Variants in PHYKPL observed in about 807,000 individuals in gnomAD.
PHYKPL encodes the protein 5-phosphohydroxy-L-lysine phospho-lyase, also known as 5-phosphonooxy-L-lysine phospho-lyase.
PHYKPL carries 42 observed loss-of-function variants against 51.3 expected under a neutral mutation model. That is an observed-to-expected ratio of 0.82 (90% confidence interval 0.64 to 1.06). PHYKPL has a LOEUF of 1.06. Among genes scored for constraint, PHYKPL ranks in the 50% least tolerant of loss-of-function variants. The pLI, the probability that PHYKPL is intolerant of heterozygous loss-of-function variation, is 0.00. For missense variants in PHYKPL, 655 were observed against 586.6 expected (o/e 1.12, Z -1.20); for synonymous variants, 264 against 236.0 (o/e 1.12, Z -1.09).
chr5:178,230,199 G>A (rs1169544003), intron 2 of PHYKPL, 100 bp from the exon 3 acceptor site: 3 of 1,453,836 alleles, frequency 2.1e-6, no homozygotes, highest in Non-Finnish European at 1.9e-6. Flanking sequence ...AAGAGATGTA[G>A]TTCTAGAGGG....
intron 10 of PHYKPL, 111 bp downstream of exon 10, chr5:178,214,685 T>A: frequency 1.0e-6 from 1 of 961,226 alleles, no homozygotes; most frequent in Non-Finnish European, 1.6e-6. Context: ...CAATCAAGTC[T>A]GTGGCCCAGA....
chr5:178,218,233 A>AAG (rs1760349708), intron 8 of PHYKPL, among the ~76,000 whole-genome samples: 1 of 150,352 alleles, frequency 6.7e-6, no homozygotes, highest in African/African-American at 2.4e-5. Flanking sequence ...AAAAAAAAAA[A>AAG]AAAAAGAAAG....
downstream of PHYKPL, among the ~76,000 whole-genome samples, chr5:178,207,691 C>CT (rs34424574): frequency 5.2e-4 from 41 of 78,764 alleles, 1 homozygote; most frequent in African/African-American, 1.4e-3. Context: ...ACTTTGAGCA[C>CT]TTTTTTTTTT....
At chr5:178,231,551 C>A in intron 1 of PHYKPL, 28 bp from the exon 2 acceptor site, 2 of 1,613,960 alleles carry the variant, frequency 1.2e-6, no homozygotes, top group Non-Finnish European at 1.7e-6. Context: ...GAGTGGACAG[C>A]CATGTCTGAA....
intron 1 of PHYKPL, 97 bp downstream of exon 1, chr5:178,232,395 G>T: frequency 1.5e-6 from 2 of 1,326,294 alleles, no homozygotes; most frequent in Non-Finnish European, 1.9e-6. Flanking sequence ...CTTCCTAGCC[G>T]GAGGCGCGTG....
intron 11 of PHYKPL, among the ~76,000 whole-genome samples, chr5:178,212,703 T>C (rs749314731): frequency 3.3e-5 from 5 of 152,252 alleles, no homozygotes; most frequent in Non-Finnish European, 7.3e-5. Context: ...CCAGTACTGC[T>C]TTGTCCTGCA....
intron 12 of PHYKPL, chr5:178,210,247 C>T (rs567811153): frequency 1.5e-5 from 24 of 1,613,640 alleles, no homozygotes; most frequent in Admixed American, 1.0e-4. Context: ...ATGGCTATTA[C>T]GGCTACGGCC....
At chr5:178,210,810 C>T (rs934409655) in intron 12 of PHYKPL, 21 of 608,906 alleles carry the variant, frequency 3.4e-5, no homozygotes, top group African/African-American at 7.4e-5. Context: ...GTTTAGGCAG[C>T]GTGTGGTGTC....
chr5:178,232,009 A>G, intron 1 of PHYKPL: 6 of 1,201,670 alleles, frequency 5.0e-6, no homozygotes, highest in Non-Finnish European at 6.3e-6. Flanking sequence ...CCACCGTCCC[A>G]CCGAGGGCCC....
At chr5:178,232,294 C>T (rs576257357) in intron 1 of PHYKPL, 198 bp downstream of exon 1, 525 of 1,249,852 alleles carry the variant, frequency 4.2e-4, no homozygotes, top group African/African-American at 3.9e-3. Context: ...CGGAGACCAC[C>T]CGCCGGGACT....
At chr5:178,229,292 G>A (rs1242091826) in intron 3 of PHYKPL, among the ~76,000 whole-genome samples, 2 of 152,090 alleles carry the variant, frequency 1.3e-5, no homozygotes, top group Non-Finnish European at 2.9e-5. Context: ...ATTTTTAGTA[G>A]AGACGGGGTT....
chr5:178,222,442 A>G lies in PHYKPL; in HGVS notation c.840T>C (p.Ile280=), dbSNP rs960880710. The G allele has an allele frequency of 6.2e-7, 1 of 1,614,260 alleles. No individual in the cohort carries two copies. The highest frequency in any genetic ancestry group is 8.5e-7 in the Non-Finnish European group (1 of 1,180,046). ...VPDIVTMGKS[I]GNGHPVACVA... ...CGCAGGCAACAGGGTGGCCGTTGCCAATGGACTTGCCCATGGTGACGATGT... is the reference window on the plus strand; with the variant it reads ...CGCAGGCAACAGGGTGGCCGTTGCCGATGGACTTGCCCATGGTGACGATGT... The change falls in exon 8 of 13, where the codon ATT becomes ATC. Residue 280 remains isoleucine (I), a synonymous_variant. Transcript: ENST00000308158.
intron 6 of PHYKPL, chr5:178,223,821 G>C: frequency 4.0e-6 from 1 of 247,128 alleles, no homozygotes; most frequent in South Asian, 4.1e-5. Flanking sequence ...CTATGTCTGC[G>C]CCTCCACTCC....
rs1763771632 is a variant in PHYKPL at position 178,232,652 on chromosome 5, G to A, written c.-102C>T. The A allele has an allele frequency of 1.4e-5, 17 of 1,198,988 alleles. No homozygotes were observed. The highest frequency in any genetic ancestry group is 1.7e-5 in the Non-Finnish European group (16 of 959,420). 74.3% of individuals were successfully genotyped at this position (1,198,988 alleles called of 1,614,324 possible). On this transcript the variant is annotated 5_prime_UTR_variant, in exon 1 of 13. Transcript: ENST00000308158. ...CCGGGCCCCGCCCCTGCCTGGGTCG[G>A]GATTTGGGGCTCAGGTTCGCACTCG...
In PHYKPL at chr5:178,225,438, G is replaced by A. The variant is rs1284392550; in HGVS notation, c.339-9C>T. 7.4e-6 allele frequency: 12 copies of A among 1,613,982 alleles called. No homozygotes were observed. Among genetic ancestry groups the A allele is most frequent in the South Asian group, 3.3e-5 (3 of 91,070 alleles). ...GGTCATTGGCTTCTGACCTATGACC[G>A]AAAAGGTGGGCATGACTGAGAGAGT... On this transcript the variant is annotated splice_polypyrimidine_tract_variant and intron_variant, in intron 3 of 12. Coordinates refer to ENST00000308158, the MANE Select transcript of PHYKPL (RefSeq NM_153373.4).
intron 3 of PHYKPL, among the ~76,000 whole-genome samples, chr5:178,226,281 TGGCTA>T (rs1342444811): frequency 6.6e-6 from 1 of 151,954 alleles, no homozygotes; most frequent in Non-Finnish European, 1.5e-5. Flanking sequence ...TTCACCATGT[TGGCTA>T]GGCTGGTCTC....
At chr5:178,211,497 C>T (rs1026641619) in intron 12 of PHYKPL, 18 of 192,798 alleles carry the variant, frequency 9.3e-5, no homozygotes, top group African/African-American at 4.0e-4. Context: ...TAGGGCAGTG[C>T]CAGGGCCGTC....
Position 178,214,883 on chromosome 5 carries a change from C to A in PHYKPL, c.1085G>T (p.Gly362Val). 1 of 1,613,422 alleles carries A rather than the reference C, an allele frequency of 6.2e-7. No individual in the cohort carries two copies. Among genetic ancestry groups the A allele is most frequent in the Non-Finnish European group, 8.5e-7 (1 of 1,179,960 alleles). The change falls in exon 10 of 13, where the codon GGT becomes GTT. Residue 362 changes from glycine (G) to valine (V), a missense_variant and splice_region_variant. By Grantham distance (109) the Gly-to-Val change is moderately radical. Transcript: ENST00000308158. ...IKHPIVGDVR[G>V]VGLFIGVDLI... Reference sequence around the variant, plus strand: ...ATCCACACCAATGAAGAGCCCAACACCCCTGCAAGGGAAGGTGACGACATC... The same window carrying A: ...ATCCACACCAATGAAGAGCCCAACAACCCTGCAAGGGAAGGTGACGACATC...
At chr5:178,231,147 C>T (rs924987722) in intron 2 of PHYKPL, among the ~76,000 whole-genome samples, 1 of 152,210 alleles carries the variant, frequency 6.6e-6, no homozygotes, top group Non-Finnish European at 1.5e-5. Context: ...GGCCATCTGC[C>T]ACTTTGTGAG....
Sources: allele counts gnomAD v4.1 joint callset (sites outside exome capture counted in the v4.1 genomes callset), GRCh38; gene constraint gnomAD v4.1.1; transcripts MANE v1.5; gene names NCBI Gene and HGNC (gene_info 2026-07-23, HGNC 2026-07-21).